The following CPSF4L variants were observed in gnomAD, a reference collection of about 807,000 sequenced individuals.
CPSF4L encodes putative cleavage and polyadenylation specificity factor subunit 4-like protein.
A neutral mutation model predicts 24.0 loss-of-function variants in CPSF4L; 18 were observed. The observed-to-expected ratio is 0.75, with a 90% confidence interval of 0.52 to 1.11. The LOEUF is 1.11. Among genes scored for constraint, CPSF4L ranks in the 50% least tolerant of loss-of-function variants. CPSF4L has a pLI of 0.00. For missense variants in CPSF4L, 211 were observed against 221.8 expected (o/e 0.95, Z 0.31); for synonymous variants, 72 against 77.2 (o/e 0.93, Z 0.35).
chr17:73,243,826 C>G (rs1228130348), downstream of CPSF4L, among the ~76,000 whole-genome samples: 2 of 152,234 alleles, frequency 1.3e-5, no homozygotes, highest in East Asian at 3.8e-4. Flanking sequence ...AGCCACCGCA[C>G]TCAGCCTTTG....
the CPSF4L span, chr17:73,243,081 T>TTTTTTTTGTTTTTTTTTTG: frequency 1.2e-6 from 1 of 825,558 alleles, no homozygotes; most frequent in African/African-American, 2.0e-5. Flanking sequence ...CTCTGAATTT[T>TTTTTTTTGTTTTTTTTTTG]TTTTTTTTTT....
upstream of CPSF4L, among the ~76,000 whole-genome samples, chr17:73,263,211 G>A (rs1213878266): frequency 6.6e-6 from 1 of 152,204 alleles, no homozygotes; most frequent in Non-Finnish European, 1.5e-5. Flanking sequence ...CAGAAGCCTG[G>A]CAGCGCAGGC....
intron 3 of CPSF4L, among the ~76,000 whole-genome samples, chr17:73,254,918 A>C (rs1307376846): frequency 2.0e-5 from 3 of 152,182 alleles, no homozygotes; most frequent in Non-Finnish European, 4.4e-5. Context: ...CTGGGATTAC[A>C]GGTGTGAGCC....
At position 73,252,815 on chromosome 17, in the gene CPSF4L, T is replaced by C. The variant is rs563575551; in HGVS notation, c.404-92A>G. On this transcript the variant is annotated intron_variant, in intron 4 of 5. Transcript: ENST00000344935. ...AGCTCCCTAGGAAGGGTGTGGATGGTCATAGGGGCTTCACTTAATAGGGGT... is the reference window on the plus strand; with the variant it reads ...AGCTCCCTAGGAAGGGTGTGGATGGCCATAGGGGCTTCACTTAATAGGGGT... The C allele has an allele frequency of 2.4e-4, 180 of 754,346 alleles. 1 individual carries two copies. In the African/African-American group the frequency reaches 2.7e-3, roughly 11 times the overall value. The allele number at this position is 754,346 out of a possible 1,614,324, so 46.7% of individuals were successfully genotyped here.
chr17:73,248,457 G>A lies in CPSF4L; in HGVS notation c.*37C>T. 6.5e-7 allele frequency: 1 copy of A among 1,544,716 alleles called. No individual in the cohort carries two copies. The highest frequency in any genetic ancestry group is 8.8e-7 in the Non-Finnish European group (1 of 1,140,634). ...GTAAAAGTCGTGTTCTGCCCTGTCT[G>A]TGGCATTGGAGTGCCCCGCTAGGTA... is the stretch of plus-strand genomic sequence containing the variant. On this transcript the variant is annotated 3_prime_UTR_variant, in exon 6 of 6. Transcript: ENST00000344935.
At chr17:73,245,771 T>A, downstream of CPSF4L, 2 of 930,760 alleles carry the variant, frequency 2.1e-6, no homozygotes, top group South Asian at 9.9e-5. Flanking sequence ...AAGCTGATTT[T>A]TAAAATAGCA....
chr17:73,249,601 C>T (rs2061994702), intron 5 of CPSF4L, among the ~76,000 whole-genome samples: 1 of 152,156 alleles, frequency 6.6e-6, no homozygotes, highest in Non-Finnish European at 1.5e-5. Context: ...TCACACATCC[C>T]ATTGCTCTTC....
downstream of CPSF4L, among the ~76,000 whole-genome samples, chr17:73,246,262 G>A (rs1442164707): frequency 6.6e-6 from 1 of 152,080 alleles, no homozygotes; most frequent in Non-Finnish European, 1.5e-5. Context: ...TGCTGGGTGC[G>A]GTGGCTCACG....
At chr17:73,247,239 A>C (rs1429222489), downstream of CPSF4L, 2 of 1,614,012 alleles carry the variant, frequency 1.2e-6, no homozygotes, top group Non-Finnish European at 1.7e-6. Flanking sequence ...TGGCCTTTAC[A>C]GAAAAATTGT....
intron 5 of CPSF4L, chr17:73,250,943 T>G (rs1284679920): frequency 2.0e-6 from 3 of 1,475,596 alleles, no homozygotes; most frequent in Non-Finnish European, 1.8e-6. Context: ...AGCCAAGCAC[T>G]AGCCCAGCCC....
chr17:73,248,891 T>C (rs1360674542), intron 5 of CPSF4L: 42 of 224,760 alleles, frequency 1.9e-4, no homozygotes, highest in Admixed American at 7.2e-4. Flanking sequence ...GACTCTTTTA[T>C]ACTTTATGGG....
chr17:73,242,307 C>A, the CPSF4L span: 3 of 1,594,790 alleles, frequency 1.9e-6, no homozygotes, highest in Admixed American at 5.2e-5. Flanking sequence ...GGACTTACAA[C>A]CTCCAACTTC....
chr17:73,260,859 AGCCCCTGCT>A (rs1383737365), intron 2 of CPSF4L, 65 bp downstream of exon 2: 1 of 1,265,660 alleles, frequency 7.9e-7, no homozygotes, highest in Non-Finnish European at 1.1e-6. Context: ...GGCCAGGCAG[AGCCCCTGCT>A]GGGTGTAGCT....
chr17:73,250,131 C>G, intron 5 of CPSF4L: 1 of 973,352 alleles, frequency 1.0e-6, no homozygotes, highest in Non-Finnish European at 1.5e-6. Context: ...CAGGCTACTT[C>G]TGCACCTCAC....
chr17:73,242,554 T>C, the CPSF4L span, among the ~76,000 whole-genome samples: 77,700 of 151,944 alleles, frequency 0.51, 19,974 homozygotes, highest in East Asian at 0.62. Flanking sequence ...CTACCATTTA[T>C]TCAACAGCTT....
downstream of CPSF4L, chr17:73,247,563 A>G (rs1568328552): frequency 6.1e-6 from 3 of 491,982 alleles, no homozygotes; most frequent in East Asian, 1.0e-4. Flanking sequence ...GGTTTAACTT[A>G]GTCACAGTAA....
chr17:73,258,824 T>C lies in CPSF4L; in HGVS notation c.155-991A>G, dbSNP rs62073184. Among the ~76,000 whole-genome samples, 221 of 152,312 alleles carry C rather than the reference T, an allele frequency of 1.5e-3. 1 individual carries two copies. Among genetic ancestry groups the C allele is most frequent in the Admixed American group, 6.0e-3 (92 of 15,286 alleles). ...CACACCCAGCCCAGCCCCTGGCACA[T>C]AGTAAGTGCTCAGTAAGGGTGTGTT... On this transcript the variant is annotated intron_variant, in intron 2 of 5. Transcript: ENST00000344935.
At chr17:73,256,176 A>C (rs540441820) in intron 3 of CPSF4L, among the ~76,000 whole-genome samples, 3 of 152,270 alleles carry the variant, frequency 2.0e-5, no homozygotes, top group South Asian at 4.1e-4. Context: ...TCCCCAAACA[A>C]ACACCGAGGG....
intron 4 of CPSF4L, 53 bp from the exon 5 acceptor site, chr17:73,252,776 AACAC>A (rs1352543608): frequency 6.1e-6 from 8 of 1,318,132 alleles, no homozygotes; most frequent in South Asian, 5.4e-5. Flanking sequence ...AAGAGGGGAA[AACAC>A]ACATGAAAAA....
Sources: gnomAD v4.1 joint callset for allele counts (sites outside exome capture counted in the v4.1 genomes callset) on GRCh38, gnomAD v4.1.1 for gene constraint, MANE v1.5 for transcripts, NCBI Gene and HGNC (gene_info 2026-07-23, HGNC 2026-07-21) for gene names.